Variants in CRACDL observed in about 807,000 individuals in gnomAD.
CRACDL encodes the protein CRACD like.
In CRACDL, 26 loss-of-function variants were observed where a neutral mutation model predicts 70.6. The observed-to-expected ratio is 0.37, with a 90% confidence interval of 0.27 to 0.51. The LOEUF is 0.51. Ranked by LOEUF, CRACDL falls within the 20% of genes least tolerant of loss-of-function variation. The pLI is 0.94. For synonymous variants in CRACDL, 618 were observed against 615.2 expected (o/e 1.00, Z -0.07); for missense variants, 1,283 against 1,376.9 (o/e 0.93, Z 1.08).
intron 6 of CRACDL, among the ~76,000 whole-genome samples, chr2:98,825,129 G>C (rs1163565749): frequency 1.3e-5 from 2 of 152,222 alleles, no homozygotes; most frequent in Non-Finnish European, 2.9e-5. Context: ...TGGTTGGGAA[G>C]AGGGACCTCA....
intron 2 of CRACDL, among the ~76,000 whole-genome samples, chr2:98,845,176 C>CCTTTT (rs1423421130): frequency 1.3e-5 from 2 of 150,650 alleles, no homozygotes; most frequent in South Asian, 2.1e-4. Context: ...TTGCCATTTT[C>CCTTTT]CTTTTCTTTT....
Position 98,822,504 on chromosome 2 carries a change from G to C in CRACDL, c.1769C>G (p.Pro590Arg), listed in dbSNP as rs1326159111. 6.9e-7 allele frequency: 1 copy of C among 1,457,174 alleles called. No individual in the cohort carries two copies. Among genetic ancestry groups the C allele is most frequent in the Non-Finnish European group, 9.0e-7 (1 of 1,113,912 alleles). 90.3% of individuals were successfully genotyped at this position (1,457,174 alleles called of 1,614,324 possible). A position where few individuals can be genotyped will look rare whatever the true frequency, so the allele number is the denominator to read the frequency against. The change falls in exon 7 of 10, where the codon CCG becomes CGG. Residue 590 changes from proline (P) to arginine (R), a missense_variant. This residue lies in a region of CRACDL where 921 missense variants were observed against 881.9 expected (regional missense o/e 1.04). Coordinates refer to ENST00000397899, the MANE Select transcript of CRACDL (RefSeq NM_207362.3). This position sits in a 1 kb window ranked among gnomAD's most constrained non-coding sequence, Gnocchi z 4.9. ...CAGGCGGCCGCTGGCCCGTTCCAGC[G>C]GGCGGGAGACGCCCGGACGAGGCCG... The part of the protein sequence containing the change: ...RARPRPGVSR[P>R]LERASGRLPL...
At chr2:98,837,687 C>T (rs1448769665) in intron 3 of CRACDL, among the ~76,000 whole-genome samples, 4 of 151,866 alleles carry the variant, frequency 2.6e-5, no homozygotes, top group Non-Finnish European at 4.4e-5. Flanking sequence ...AAGGAGCGCC[C>T]CCTCCCCACC....
intron 7 of CRACDL, among the ~76,000 whole-genome samples, chr2:98,818,421 A>G (rs1294668841): frequency 6.6e-6 from 1 of 152,162 alleles, no homozygotes; most frequent in Non-Finnish European, 1.5e-5. Context: ...GGAGGAATAA[A>G]CCAGGTGCTG....
chr2:98,797,224 A>G (rs1703861473), intron 8 of CRACDL, 126 bp downstream of exon 8: 2 of 865,034 alleles, frequency 2.3e-6, no homozygotes, highest in Non-Finnish European at 3.6e-6. Flanking sequence ...ACACATCCAC[A>G]ACCATCACAG....
At chr2:98,853,210 G>C (rs1182110376) in intron 1 of CRACDL, among the ~76,000 whole-genome samples, 1 of 152,178 alleles carries the variant, frequency 6.6e-6, no homozygotes, top group Non-Finnish European at 1.5e-5. Flanking sequence ...ACAGCATAGT[G>C]TACTAAAACC....
At chr2:98,907,669 G>T (rs1290127492) in intron 1 of CRACDL, among the ~76,000 whole-genome samples, 1 of 152,196 alleles carries the variant, frequency 6.6e-6, no homozygotes, top group East Asian at 1.9e-4. Flanking sequence ...TGTGGGGCTT[G>T]ACTCACATGC....
intron 1 of CRACDL, among the ~76,000 whole-genome samples, chr2:98,928,950 C>G (rs1251943040): frequency 6.6e-6 from 1 of 152,116 alleles, no homozygotes; most frequent in Non-Finnish European, 1.5e-5. Context: ...ACCGAATCAC[C>G]CAGCCCCATG....
chr2:98,833,447 G>A (rs908864775), intron 3 of CRACDL, among the ~76,000 whole-genome samples: 2 of 152,184 alleles, frequency 1.3e-5, no homozygotes, highest in African/African-American at 4.8e-5. Flanking sequence ...CTTGATGAAC[G>A]CATCCTCACA....
At chr2:98,872,512 T>C (rs183339278) in intron 1 of CRACDL, among the ~76,000 whole-genome samples, 51 of 152,290 alleles carry the variant, frequency 3.3e-4, no homozygotes, top group African/African-American at 1.2e-3. Flanking sequence ...ATTTGGGTGA[T>C]GGGAACACTA....
intron 7 of CRACDL, among the ~76,000 whole-genome samples, chr2:98,818,687 AATG>A (rs1168449068): frequency 6.6e-6 from 1 of 152,232 alleles, no homozygotes; most frequent in Non-Finnish European, 1.5e-5. Flanking sequence ...GAGCAATGAG[AATG>A]ATAATAGTAG....
chr2:98,809,978 T>C (rs1704487441), intron 7 of CRACDL, among the ~76,000 whole-genome samples: 1 of 150,876 alleles, frequency 6.6e-6, no homozygotes, highest in Non-Finnish European at 1.5e-5. Flanking sequence ...TAAGAGGTGC[T>C]CCTCAGAGTA....
At chr2:98,889,823 A>G (rs1707916790) in intron 1 of CRACDL, among the ~76,000 whole-genome samples, 1 of 152,250 alleles carries the variant, frequency 6.6e-6, no homozygotes, top group Non-Finnish European at 1.5e-5. Flanking sequence ...TTCTCCAACC[A>G]CAACAGAATT....
At chr2:98,869,394 GCCTTCCA>G in intron 1 of CRACDL, 2 of 682,640 alleles carry the variant, frequency 2.9e-6, no homozygotes, top group African/African-American at 1.9e-5. Flanking sequence ...ATGCACTTCC[GCCTTCCA>G]CTCCAAGCCC....
intron 1 of CRACDL, among the ~76,000 whole-genome samples, chr2:98,862,001 A>G (rs902653154): frequency 2.6e-5 from 4 of 152,064 alleles, no homozygotes; most frequent in Admixed American, 6.6e-5. Flanking sequence ...ACCTCTCCCC[A>G]TTGTTACAAG....
intron 3 of CRACDL, among the ~76,000 whole-genome samples, chr2:98,834,426 C>T (rs889061179): frequency 6.6e-6 from 1 of 152,196 alleles, no homozygotes; most frequent in Non-Finnish European, 1.5e-5. Flanking sequence ...TGCATGCAGG[C>T]ATCACCAGAT....
Position 98,797,512 on chromosome 2 carries a change from T to C in CRACDL, c.2442A>G (p.Thr814=). 1 of 1,614,072 alleles carries C rather than the reference T, an allele frequency of 6.2e-7. No homozygotes were observed. Among genetic ancestry groups the C allele is most frequent in the Non-Finnish European group, 8.5e-7 (1 of 1,180,030 alleles). Residue 814 remains threonine (T), a synonymous_variant, in exon 8 of 10, where the codon ACA becomes ACG. Transcript: ENST00000397899. ...CAGGCTGCCCATCAGCTCCAGGCCCTGTTGCTGCAGGCGGCAGACTCTTTT... is the reference window on the plus strand; with the variant it reads ...CAGGCTGCCCATCAGCTCCAGGCCCCGTTGCTGCAGGCGGCAGACTCTTTT... ...GAEKSLPPAA[T]GPGADGQPAP... is the part of the protein sequence containing the mutation.
chr2:98,910,653 AAGG>A (rs921389310), intron 1 of CRACDL, among the ~76,000 whole-genome samples: 1 of 152,206 alleles, frequency 6.6e-6, no homozygotes, highest in African/African-American at 2.4e-5. Flanking sequence ...TCTACAAAAG[AAGG>A]AGGAGCCTCA....
chr2:98,824,423 C>G (rs1471637086), intron 6 of CRACDL, among the ~76,000 whole-genome samples: 1 of 152,110 alleles, frequency 6.6e-6, no homozygotes, highest in Non-Finnish European at 1.5e-5. Context: ...ACATACAGTG[C>G]CTTGTGATAG....
Sources: gnomAD v4.1 joint callset for allele counts (sites outside exome capture counted in the v4.1 genomes callset) on GRCh38, gnomAD v4.1.1 for gene constraint, gnomAD v4.1.1 regional missense constraint, Gnocchi (gnomAD v3.1) non-coding constraint, MANE v1.5 for transcripts, NCBI Gene and HGNC (gene_info 2026-07-23, HGNC 2026-07-21) for gene names.